IGF2BP3: variants seen among roughly 807,000 people sequenced by gnomAD.
IGF2BP3 encodes insulin-like growth factor 2 mRNA-binding protein 3.
In IGF2BP3, 9 loss-of-function variants were observed where a neutral mutation model predicts 73.8. That is an observed-to-expected ratio of 0.12 (90% CI 0.07 to 0.21). The LOEUF (loss-of-function observed/expected upper bound fraction) is 0.21, where lower values mean the gene tolerates loss of function less well. Among genes scored for constraint, IGF2BP3 ranks in the 10% least tolerant of loss-of-function variants. IGF2BP3 has a pLI of 1.00. For missense variants in IGF2BP3, 542 were observed against 714.0 expected (o/e 0.76, Z 2.75); for synonymous variants, 258 against 256.7 (o/e 1.01, Z -0.05).
At chr7:23,385,645 C>T (rs1275112686) in intron 3 of IGF2BP3, among the ~76,000 whole-genome samples, 3 of 152,028 alleles carry the variant, frequency 2.0e-5, no homozygotes, top group Admixed American at 6.6e-5. Flanking sequence ...GGAATGGGAA[C>T]CTAAAAGTCA....
rs541414277 is a variant in IGF2BP3 at position 23,434,971 on chromosome 7, C to T, written c.237-16147G>A. Among the ~76,000 whole-genome samples the T allele has an allele frequency of 2.2e-4, 33 of 152,204 alleles. No homozygotes were observed. In the South Asian group the frequency reaches 2.7e-3, roughly 12 times the overall value. The stretch of plus-strand genomic sequence containing the variant: ...AGTATTAAAATTTTCCCTTTTCTCA[C>T]CTATGACATATTTGCCAATTAAACA... On this transcript the variant is annotated intron_variant, in intron 2 of 14. Coordinates refer to ENST00000258729, the MANE Select transcript of IGF2BP3 (RefSeq NM_006547.3).
At chr7:23,367,446 C>CAAA (rs778774496) in intron 3 of IGF2BP3, among the ~76,000 whole-genome samples, 5 of 133,550 alleles carry the variant, frequency 3.7e-5, no homozygotes, top group African/African-American at 1.3e-4. Flanking sequence ...TCTTAAAGGC[C>CAAA]AAAAAAAAAA....
intron 3 of IGF2BP3, among the ~76,000 whole-genome samples, chr7:23,386,474 C>T (rs556640602): frequency 4.6e-5 from 7 of 152,282 alleles, no homozygotes; most frequent in Non-Finnish European, 1.0e-4. Context: ...ATGGAGTGAC[C>T]AAAGGGACAC....
intron 3 of IGF2BP3, among the ~76,000 whole-genome samples, chr7:23,395,227 T>C (rs1412920350): frequency 6.6e-6 from 1 of 152,144 alleles, no homozygotes; most frequent in East Asian, 1.9e-4. Flanking sequence ...AGCTGAGTAT[T>C]ATGATCAACT....
chr7:23,456,143 A>G (rs1788311446), intron 2 of IGF2BP3, among the ~76,000 whole-genome samples: 2 of 152,212 alleles, frequency 1.3e-5, no homozygotes. Context: ...CATACAAGAA[A>G]TACAGAAACT....
At chr7:23,361,482 A>T in intron 5 of IGF2BP3, 52 bp downstream of exon 5, 3 of 1,447,610 alleles carry the variant, frequency 2.1e-6, no homozygotes, top group Non-Finnish European at 2.9e-6. Context: ...AAAATATGTT[A>T]CTGTACTTAA....
At chr7:23,420,021 AAC>A (rs896880719) in intron 2 of IGF2BP3, among the ~76,000 whole-genome samples, 39 of 152,336 alleles carry the variant, frequency 2.6e-4, no homozygotes, top group African/African-American at 8.7e-4. Context: ...CGACACATAT[AAC>A]ACAACTGCAT....
At chr7:23,418,977 C>G (rs1226098007) in intron 2 of IGF2BP3, among the ~76,000 whole-genome samples, 153 bp from the exon 3 acceptor site, 4 of 151,972 alleles carry the variant, frequency 2.6e-5, no homozygotes, top group African/African-American at 9.7e-5. Flanking sequence ...GAAGGAAAAG[C>G]AAAGAAGCAA....
At chr7:23,356,831 A>G (rs1785107686) in intron 5 of IGF2BP3, among the ~76,000 whole-genome samples, 1 of 152,186 alleles carries the variant, frequency 6.6e-6, no homozygotes, top group African/African-American at 2.4e-5. Flanking sequence ...TCATGACTAA[A>G]TTGGTTCTAA....
chr7:23,331,090 C>A (rs536808409), intron 10 of IGF2BP3, among the ~76,000 whole-genome samples: 3 of 152,338 alleles, frequency 2.0e-5, no homozygotes, highest in Admixed American at 6.5e-5. Flanking sequence ...TGAGCCACTG[C>A]GCCCGGCTGC....
chr7:23,400,331 A>T (rs1362189304), intron 3 of IGF2BP3, among the ~76,000 whole-genome samples: 1 of 152,212 alleles, frequency 6.6e-6, no homozygotes, highest in African/African-American at 2.4e-5. Context: ...CCATTAGAAG[A>T]AGTAGTATCT....
chr7:23,321,633 C>T (rs868055838), intron 10 of IGF2BP3, among the ~76,000 whole-genome samples: 76 of 152,338 alleles, frequency 5.0e-4, no homozygotes, highest in African/African-American at 1.8e-3. Flanking sequence ...CACAGACAGA[C>T]AAAAAGACAG....
chr7:23,443,869 CAT>C (rs1787995124), intron 2 of IGF2BP3, among the ~76,000 whole-genome samples: 4 of 150,764 alleles, frequency 2.7e-5, no homozygotes, highest in African/African-American at 9.8e-5. Flanking sequence ...ATTAGCCAGG[CAT>C]GGTGGCACAC....
intron 2 of IGF2BP3, among the ~76,000 whole-genome samples, chr7:23,455,747 G>C (rs189460318): frequency 6.6e-6 from 1 of 152,102 alleles, no homozygotes; most frequent in Non-Finnish European, 1.5e-5. Flanking sequence ...GTGCGGTGGC[G>C]CGATGTCGAC....
In IGF2BP3 at chr7:23,469,919, G is replaced by A. The variant is rs1788674974; in HGVS notation, c.175+17C>T. ...GGGCTGGGGCGAGAGCCCGGGTGGG[G>A]CCAGGCCCGGGCCCACCTGAAAGCG... On this transcript the variant is annotated intron_variant, in intron 1 of 14. Coordinates refer to ENST00000258729, the MANE Select transcript of IGF2BP3 (RefSeq NM_006547.3). This position sits in a 1 kb window ranked among gnomAD's most constrained non-coding sequence, Gnocchi z 6.1. The A allele has an allele frequency of 3.8e-6, 6 of 1,596,134 alleles. No individual in the cohort carries two copies. Among genetic ancestry groups the A allele is most frequent in the Non-Finnish European group, 5.1e-6 (6 of 1,172,906 alleles).
intron 3 of IGF2BP3, among the ~76,000 whole-genome samples, chr7:23,382,900 A>C (rs1785956981): frequency 6.7e-6 from 1 of 149,240 alleles, no homozygotes; most frequent in Non-Finnish European, 1.5e-5. Context: ...CTACCAAAAA[A>C]AAAAAAAAAA....
chr7:23,433,233 AT>A (rs1174413902), intron 2 of IGF2BP3, among the ~76,000 whole-genome samples: 3 of 151,998 alleles, frequency 2.0e-5, no homozygotes, highest in South Asian at 2.1e-4. Flanking sequence ...ATATCATTAT[AT>A]TTTTTTCCCA....
chr7:23,371,825 G>T (rs562313050), intron 3 of IGF2BP3, among the ~76,000 whole-genome samples: 1 of 152,280 alleles, frequency 6.6e-6, no homozygotes, highest in African/African-American at 2.4e-5. Flanking sequence ...GGACTCCTAG[G>T]AGTCATGTGA....
chr7:23,351,604 G>A lies in IGF2BP3; in HGVS notation c.402-18C>T. On this transcript the variant is annotated intron_variant, in intron 5 of 14. Transcript: ENST00000258729. ...CTAGTGCTCTGAAAGTTGAAAAGGG[G>A]CAGGGGTGGGAAAAGGAATCAGGCT... The A allele has an allele frequency of 1.9e-6, 3 of 1,613,394 alleles. No homozygotes were observed. The highest frequency in any genetic ancestry group is 2.5e-6 in the Non-Finnish European group (3 of 1,179,716).
Sources: allele counts gnomAD v4.1 joint callset (sites outside exome capture counted in the v4.1 genomes callset), GRCh38; gene constraint gnomAD v4.1.1; non-coding constraint Gnocchi (gnomAD v3.1); transcripts MANE v1.5; gene names NCBI Gene and HGNC (gene_info 2026-07-23, HGNC 2026-07-21).